PPP1R14C: variants seen among roughly 807,000 people sequenced by gnomAD.
PPP1R14C encodes the protein protein phosphatase 1 regulatory subunit 14C.
PPP1R14C carries 16 observed loss-of-function variants against 20.4 expected under a neutral mutation model. The observed-to-expected ratio is 0.78, with a 90% CI of 0.53 to 1.19. The LOEUF is 1.19. PPP1R14C is among the 50% of genes most tolerant of loss of function. The pLI, the probability that PPP1R14C is intolerant of heterozygous loss-of-function variation, is 0.00. For missense variants in PPP1R14C, 211 were observed against 220.1 expected, an observed-to-expected ratio of 0.96 and a Z score of 0.26; for synonymous variants, 91 against 91.0, an observed-to-expected ratio of 1.00 and a Z score of 0.00.
intron 1 of PPP1R14C, among the ~76,000 whole-genome samples, chr6:150,178,063 C>T (rs2114876133): frequency 6.6e-6 from 1 of 152,286 alleles, no homozygotes; most frequent in East Asian, 1.9e-4. Flanking sequence ...AGGGCTTGTG[C>T]GTGTGTCTCC....
intron 1 of PPP1R14C, among the ~76,000 whole-genome samples, chr6:150,164,876 A>T (rs920816769): frequency 2.6e-5 from 4 of 152,168 alleles, no homozygotes; most frequent in African/African-American, 9.7e-5. Context: ...TTATGTCCTG[A>T]GGGTGGAGCA....
chr6:150,181,008 A>C (rs1777616264), intron 1 of PPP1R14C, among the ~76,000 whole-genome samples: 1 of 152,228 alleles, frequency 6.6e-6, no homozygotes, highest in Non-Finnish European at 1.5e-5. Context: ...AAGGTAGAGA[A>C]ACTACAGCTC....
At chr6:150,194,772 G>T in intron 1 of PPP1R14C, 1 of 985,236 alleles carries the variant, frequency 1.0e-6, no homozygotes, top group Non-Finnish European at 1.2e-6. Context: ...ACCCTGTTTT[G>T]TTTGACCACT....
At position 150,203,934 on chromosome 6, in the gene PPP1R14C, G is replaced by T. The variant is rs115604999; in HGVS notation, c.307-10810G>T. 7.1e-3 allele frequency among the ~76,000 whole-genome samples: 1,075 copies of T among 152,328 alleles called. 11 individuals are homozygous for T. The highest frequency in any genetic ancestry group is 0.024 in the African/African-American group (1,002 of 41,584). On this transcript the variant is annotated intron_variant, in intron 1 of 3. Coordinates refer to ENST00000361131, the MANE Select transcript of PPP1R14C (RefSeq NM_030949.3). ...TGCTGCTGCTCTGTCCTTGGGTGGCGCCAGCCCTTCCTTTATTCTTTCCCA... is the reference window on the plus strand; with the variant it reads ...TGCTGCTGCTCTGTCCTTGGGTGGCTCCAGCCCTTCCTTTATTCTTTCCCA...
In PPP1R14C at chr6:150,186,966, A is replaced by G. The variant is rs116114060; in HGVS notation, c.307-27778A>G. 8.1e-3 allele frequency among the ~76,000 whole-genome samples: 1,224 copies of G among 151,628 alleles called. 19 individuals are homozygous for G. Among genetic ancestry groups the G allele is most frequent in the African/African-American group, 0.026 (1,080 of 41,344 alleles). ...TCAGGTTTGACTTTTCTTTTAAGTT[A>G]TGCTTGACTTAGTCTTTTTTTTTTT... is the stretch of plus-strand genomic sequence containing the variant. On this transcript the variant is annotated intron_variant, in intron 1 of 3. Transcript: ENST00000361131.
chr6:150,234,836 G>A (rs1175448415), intron 3 of PPP1R14C, among the ~76,000 whole-genome samples: 1 of 107,526 alleles, frequency 9.3e-6, no homozygotes, highest in African/African-American at 3.9e-5. Context: ...GCGACAAAGT[G>A]AGACTCTGTC....
chr6:150,246,371 C>T (rs1179945085), intron 3 of PPP1R14C, among the ~76,000 whole-genome samples: 1 of 151,494 alleles, frequency 6.6e-6, no homozygotes, highest in Non-Finnish European at 1.5e-5. Flanking sequence ...TAACAGATTC[C>T]AAAAACAACA....
At chr6:150,172,397 A>G (rs1777509762) in intron 1 of PPP1R14C, among the ~76,000 whole-genome samples, 1 of 151,958 alleles carries the variant, frequency 6.6e-6, no homozygotes, top group South Asian at 2.1e-4. Flanking sequence ...CTCTTTTGTA[A>G]AGCTGTGTTT....
chr6:150,203,570 C>A (rs183683110), intron 1 of PPP1R14C, among the ~76,000 whole-genome samples: 1 of 152,260 alleles, frequency 6.6e-6, no homozygotes, highest in Admixed American at 6.5e-5. Flanking sequence ...GATCTAGGAG[C>A]CTTCCCGAGG....
rs2114869388 is a variant in PPP1R14C at position 150,171,134 on chromosome 6, G to A, written c.306+27636G>A. ...CCCAAAGTGCATAGTTTACATGAGG[G>A]TCCACTCAAGGTGCTGTACATTCCA... is the stretch of plus-strand genomic sequence containing the variant. On this transcript the variant is annotated intron_variant, in intron 1 of 3. Coordinates refer to ENST00000361131, the MANE Select transcript of PPP1R14C (RefSeq NM_030949.3). Among the ~76,000 whole-genome samples the A allele has an allele frequency of 2.0e-5, 3 of 152,148 alleles. No homozygotes were observed. The South Asian group carries it at 6.2e-4, about 32-fold the overall frequency.
chr6:150,171,318 C>T (rs1777496520), intron 1 of PPP1R14C, among the ~76,000 whole-genome samples: 1 of 152,202 alleles, frequency 6.6e-6, no homozygotes, highest in Admixed American at 6.5e-5. Context: ...AAGCCAGCTC[C>T]ATTCAGCACA....
chr6:150,172,654 C>T (rs1263580588), intron 1 of PPP1R14C, among the ~76,000 whole-genome samples: 1 of 152,064 alleles, frequency 6.6e-6, no homozygotes, highest in Non-Finnish European at 1.5e-5. Flanking sequence ...AGCTTCTTGG[C>T]CTGAAAATGA....
At chr6:150,213,003 C>T (rs1778046302) in intron 1 of PPP1R14C, among the ~76,000 whole-genome samples, 1 of 152,232 alleles carries the variant, frequency 6.6e-6, no homozygotes, top group Non-Finnish European at 1.5e-5. Flanking sequence ...CTTCCTGTTT[C>T]TACATCATCT....
At chr6:150,193,472 C>T (rs551542688) in intron 1 of PPP1R14C, among the ~76,000 whole-genome samples, 2 of 151,870 alleles carry the variant, frequency 1.3e-5, no homozygotes, top group East Asian at 3.9e-4. Context: ...AAAGAATTTC[C>T]AGGAGTGAGT....
intron 3 of PPP1R14C, among the ~76,000 whole-genome samples, chr6:150,218,391 A>G (rs938199454): frequency 6.6e-6 from 1 of 151,804 alleles, no homozygotes; most frequent in Non-Finnish European, 1.5e-5. Context: ...CGACAGAGCG[A>G]GACTCCGTCT....
chr6:150,216,877 A>G, intron 3 of PPP1R14C, 21 bp downstream of exon 3: 1 of 1,593,264 alleles, frequency 6.3e-7, no homozygotes, highest in African/African-American at 1.3e-5. Flanking sequence ...CACTTTTCCT[A>G]AATGCCATGT....
At chr6:150,155,682 GT>G (rs1703554555) in intron 1 of PPP1R14C, among the ~76,000 whole-genome samples, 1 of 152,084 alleles carries the variant, frequency 6.6e-6, no homozygotes, top group Non-Finnish European at 1.5e-5. Flanking sequence ...ACAGGATTCT[GT>G]TATTTCTCAA....
At chr6:150,161,002 G>A (rs11754943) in intron 1 of PPP1R14C, among the ~76,000 whole-genome samples, 23,728 of 151,938 alleles carry the variant, frequency 0.16, 2,479 homozygotes, top group East Asian at 0.54. Flanking sequence ...AGATATGGCC[G>A]GGTGCGGTGG....
intron 1 of PPP1R14C, among the ~76,000 whole-genome samples, chr6:150,162,347 G>T (rs1463605628): frequency 2.6e-5 from 4 of 152,138 alleles, no homozygotes; most frequent in Non-Finnish European, 4.4e-5. Context: ...GAGCCACCGT[G>T]CCAGGCCAAC....
Sources: gnomAD v4.1 joint callset for allele counts (sites outside exome capture counted in the v4.1 genomes callset) on GRCh38, gnomAD v4.1.1 for gene constraint, MANE v1.5 for transcripts, NCBI Gene and HGNC (gene_info 2026-07-23, HGNC 2026-07-21) for gene names.